TBXAS1: variants seen among roughly 807,000 people sequenced by gnomAD.
The protein encoded by TBXAS1 is thromboxane-A synthase.
A neutral mutation model predicts 60.7 loss-of-function variants in TBXAS1; 48 were observed. That is an observed-to-expected ratio of 0.79 (90% CI 0.63 to 1.01). The LOEUF (loss-of-function observed/expected upper bound fraction) is 1.01, where lower values mean the gene tolerates loss of function less well. Among genes scored for constraint, TBXAS1 ranks in the 50% least tolerant of loss-of-function variants. The pLI is 0.00. For missense variants in TBXAS1, 685 were observed against 686.3 expected (o/e 1.00, Z 0.02); for synonymous variants, 287 against 269.7 (o/e 1.06, Z -0.63).
chr7:139,916,601 A>G lies in TBXAS1; in HGVS notation c.333+5280A>G, dbSNP rs1352498911. ...GGGCTGCTTCACTCGCTCTCCACACAGCTGTGAACATTGCAGGATGAGTCA... is the reference window on the plus strand; with the variant it reads ...GGGCTGCTTCACTCGCTCTCCACACGGCTGTGAACATTGCAGGATGAGTCA... On this transcript the variant is annotated intron_variant, in intron 4 of 12. Transcript: ENST00000448866. This position sits in a 1 kb window ranked among gnomAD's most constrained non-coding sequence, Gnocchi z 4.2. 6.6e-6 allele frequency among the ~76,000 whole-genome samples: 1 copy of G among 152,222 alleles called. No individual in the cohort carries two copies.
chr7:139,778,903 C>T lies in TBXAS1; in HGVS notation c.-318+432C>T, dbSNP rs1029686586. On this transcript the variant is annotated intron_variant, in intron 1 of 16. Transcript: ENST00000336425. The surrounding 1 kb of genome is among the most constrained non-coding windows in gnomAD (Gnocchi z 4.8). Reference sequence around the variant, plus strand: ...CTTAGGAAGACTTGTTGAGTCTCCTCTTAGGCACTGTTTTTAAAACTGTGG... The same window carrying T: ...CTTAGGAAGACTTGTTGAGTCTCCTTTTAGGCACTGTTTTTAAAACTGTGG... Among the ~76,000 whole-genome samples, 3 of 152,300 alleles carry T rather than the reference C, an allele frequency of 2.0e-5. No individual in the cohort carries two copies. The highest frequency in any genetic ancestry group is 1.9e-4 in the East Asian group (1 of 5,188).
intron 5 of TBXAS1, among the ~76,000 whole-genome samples, chr7:139,944,421 CGA>C (rs752975897): frequency 4.6e-5 from 7 of 152,128 alleles, no homozygotes; most frequent in Admixed American, 2.0e-4. Context: ...TGTTCTGTGC[CGA>C]GAGAGTGTTT....
Position 140,007,142 on chromosome 7 carries a change from G to C in TBXAS1, c.1186G>C (p.Val396Leu), listed in dbSNP as rs201269727. 9.3e-6 allele frequency: 15 copies of C among 1,614,214 alleles called. No individual in the cohort carries two copies. The Admixed American group carries it at 1.0e-4, about 11-fold the overall frequency. ...LEEGLPYLDMVIAETLRMYPP... is the reference protein window; with the variant it reads ...LEEGLPYLDMLIAETLRMYPP... Reference sequence around the variant, plus strand: ...GGAAGGCCTGCCCTATCTGGACATGGTGATTGCAGAGACGCTGAGGATGTA... The same window carrying C: ...GGAAGGCCTGCCCTATCTGGACATGCTGATTGCAGAGACGCTGAGGATGTA... Residue 396 changes from valine to leucine, a missense_variant, in exon 10 of 13, where the codon GTG becomes CTG. Physicochemically the swap from Val to Leu is conservative, Grantham distance 32. Coordinates refer to ENST00000448866, the MANE Select transcript of TBXAS1 (RefSeq NM_001061.7).
At position 139,955,483 on chromosome 7, in the gene TBXAS1, T is replaced by A; in HGVS notation, c.564T>A (p.Asp188Glu). 6.2e-7 allele frequency: 1 copy of A among 1,614,232 alleles called. No individual in the cohort carries two copies. Among genetic ancestry groups the A allele is most frequent in the Non-Finnish European group, 8.5e-7 (1 of 1,180,036 alleles). The change falls in exon 7 of 13, where the codon GAT becomes GAA. Residue 188 changes from aspartate (D) to glutamate (E), a missense_variant. Transcript: ENST00000448866. ...GGTGCTACTGCAATTACACCACAGA[T>A]GTGGTTGCCAGCGTCGCCTTTGGCA... ...IQRCYCNYTT[D>E]VVASVAFGTP... is the part of the protein sequence containing the mutation.
chr7:139,936,349 G>C, intron 5 of TBXAS1, 42 bp downstream of exon 5: 3 of 1,593,990 alleles, frequency 1.9e-6, no homozygotes, highest in Non-Finnish European at 2.6e-6. Flanking sequence ...TTACGGAGCA[G>C]GTTTCTTCTC....
At chr7:139,951,123 G>A (rs1044575554) in intron 5 of TBXAS1, among the ~76,000 whole-genome samples, 6 of 152,048 alleles carry the variant, frequency 3.9e-5, no homozygotes, top group Non-Finnish European at 8.8e-5. Context: ...CAGAACACAC[G>A]GCAGGACAAC....
chr7:139,867,727 G>A (rs1569504189), intron 1 of TBXAS1, among the ~76,000 whole-genome samples: 1 of 152,164 alleles, frequency 6.6e-6, no homozygotes, highest in Admixed American at 6.5e-5. Context: ...TGAGGCAGGA[G>A]AATCGCTTGA....
chr7:139,955,411 A>T, intron 6 of TBXAS1, 48 bp from the exon 7 acceptor site: 2 of 1,612,658 alleles, frequency 1.2e-6, no homozygotes, highest in Non-Finnish European at 8.5e-7. Flanking sequence ...CATTGTGGGT[A>T]GCCCCTGCCA....
intron 10 of TBXAS1, 114 bp downstream of exon 10, chr7:140,007,296 A>T: frequency 1.1e-6 from 1 of 926,928 alleles, no homozygotes. Flanking sequence ...TCTGGAGGGC[A>T]ACGCCTGAGT....
At chr7:139,794,244 G>A (rs568896243) in intron 4 of TBXAS1, among the ~76,000 whole-genome samples, 1 of 152,122 alleles carries the variant, frequency 6.6e-6, no homozygotes, top group East Asian at 1.9e-4. Flanking sequence ...AGGATTACAG[G>A]CATGCACCAC....
chr7:139,804,818 T>C (rs1248000376), intron 4 of TBXAS1, among the ~76,000 whole-genome samples: 1 of 152,250 alleles, frequency 6.6e-6, no homozygotes, highest in Non-Finnish European at 1.5e-5. Context: ...CCCACCCATG[T>C]GAAACTGTGA....
intron 9 of TBXAS1, among the ~76,000 whole-genome samples, chr7:139,971,933 C>T (rs76339527): frequency 0.014 from 2,205 of 152,314 alleles, 57 homozygotes; most frequent in African/African-American, 0.051. Flanking sequence ...TCCTGCTCCA[C>T]CTCCTGACCC....
chr7:139,784,101 A>G (rs1797097119), intron 3 of TBXAS1, among the ~76,000 whole-genome samples: 1 of 138,448 alleles, frequency 7.2e-6, no homozygotes, highest in South Asian at 2.3e-4. Context: ...TTTTGTTTTC[A>G]ATACTCCTAG....
At chr7:139,888,376 G>A (rs1286768879) in intron 3 of TBXAS1, among the ~76,000 whole-genome samples, 1 of 152,000 alleles carries the variant, frequency 6.6e-6, no homozygotes, top group Non-Finnish European at 1.5e-5. Flanking sequence ...CTGCTTCCTT[G>A]TTCCCTGGGT....
intron 3 of TBXAS1, among the ~76,000 whole-genome samples, chr7:139,901,622 A>G (rs115855262): frequency 0.021 from 3,152 of 152,132 alleles, 125 homozygotes; most frequent in African/African-American, 0.071. Flanking sequence ...CAATCACATC[A>G]GGATCCCCTG....
intron 9 of TBXAS1, among the ~76,000 whole-genome samples, chr7:139,985,071 T>C (rs908634106): frequency 3.2e-4 from 49 of 152,182 alleles, no homozygotes; most frequent in African/African-American, 1.2e-3. Flanking sequence ...CTGGAGATCA[T>C]TCTGCCAGTC....
intron 4 of TBXAS1, among the ~76,000 whole-genome samples, chr7:139,811,390 T>C (rs1024879427): frequency 1.3e-5 from 2 of 152,228 alleles, no homozygotes; most frequent in African/African-American, 4.8e-5. Flanking sequence ...ACAATTAGTC[T>C]GAAAGCCAAA....
At chr7:139,902,092 C>T (rs1804624616) in intron 3 of TBXAS1, among the ~76,000 whole-genome samples, 1 of 151,730 alleles carries the variant, frequency 6.6e-6, no homozygotes, top group African/African-American at 2.4e-5. Flanking sequence ...GGGTATGACC[C>T]ACAGTGCTTA....
At chr7:139,874,645 A>T (rs1802082359) in intron 2 of TBXAS1, among the ~76,000 whole-genome samples, 1 of 151,276 alleles carries the variant, frequency 6.6e-6, no homozygotes, top group African/African-American at 2.4e-5. Flanking sequence ...TTATGTATCC[A>T]CCCCATACTC....
Sources: allele counts gnomAD v4.1 joint callset (sites outside exome capture counted in the v4.1 genomes callset), GRCh38; gene constraint gnomAD v4.1.1; non-coding constraint Gnocchi (gnomAD v3.1); transcripts MANE v1.5; gene names NCBI Gene and HGNC (gene_info 2026-07-23, HGNC 2026-07-21).